The following DNAH11 variants were observed in gnomAD, a reference collection of about 807,000 sequenced individuals.
DNAH11 encodes the protein axonemal beta dynein heavy chain 11.
DNAH11 carries 442 observed loss-of-function variants against 526.0 expected under a neutral mutation model. The ratio of observed to expected loss-of-function variants is 0.84; its 90% CI spans 0.78 to 0.91. The LOEUF is 0.91. Among genes scored for constraint, DNAH11 ranks in the 40% least tolerant of loss-of-function variants. DNAH11 has a pLI of 0.00. For missense variants in DNAH11, 6,989 were observed against 5,448.7 expected (o/e 1.28, Z -8.90); for synonymous variants, 2,461 against 1,935.9 (o/e 1.27, Z -7.12).
intron 72 of DNAH11, among the ~76,000 whole-genome samples, chr7:21,868,544 G>T (rs1783374986): frequency 6.6e-6 from 1 of 152,188 alleles, no homozygotes; most frequent in African/African-American, 2.4e-5. Flanking sequence ...TCCTTTTTAT[G>T]AGAGAAATGC....
At chr7:21,568,654 C>G (rs145976540) in intron 6 of DNAH11, among the ~76,000 whole-genome samples, 1 of 152,152 alleles carries the variant, frequency 6.6e-6, no homozygotes, top group African/African-American at 2.4e-5. Context: ...ATTGTCTCAT[C>G]TATGCGAGGG....
intron 62 of DNAH11, among the ~76,000 whole-genome samples, chr7:21,804,059 A>C (rs1200705864): frequency 6.6e-6 from 1 of 151,488 alleles, no homozygotes; most frequent in Non-Finnish European, 1.5e-5. Context: ...GCTAGGTGAT[A>C]GCCTCATTTC....
Position 21,765,619 on chromosome 7 carries a change from C to G in DNAH11, c.9102+30C>G, listed in dbSNP as rs767628743. On this transcript the variant is annotated intron_variant, in intron 55 of 81. Transcript: ENST00000409508. Reference sequence around the variant, plus strand: ...GCCGTGTCAGCCTGCGTCACACACACACACACACACACACACACACACACA... The same window carrying G: ...GCCGTGTCAGCCTGCGTCACACACAGACACACACACACACACACACACACA... 1.9e-4 allele frequency: 128 copies of G among 679,990 alleles called. 2 individuals are homozygous for G. The African/African-American group carries it at 7.1e-3, about 38-fold the overall frequency. 42.1% of individuals were successfully genotyped at this position (679,990 alleles called of 1,614,324 possible). A position where few individuals can be genotyped will look rare whatever the true frequency, so the allele number is the denominator to read the frequency against.
intron 66 of DNAH11, among the ~76,000 whole-genome samples, chr7:21,844,999 A>G (rs1158658752): frequency 6.6e-6 from 1 of 152,186 alleles, no homozygotes. Context: ...CTTGTGCACT[A>G]ATTGCCAAGC....
At position 21,738,885 on chromosome 7, in the gene DNAH11, T is replaced by C. The variant is rs1785741965; in HGVS notation, c.7811+19T>C. ...GACATTGGTAAGCAAGTCTCTGTAGTTTACTCTCTCCCAAAATCTAATAAT... is the reference window on the plus strand; with the variant it reads ...GACATTGGTAAGCAAGTCTCTGTAGCTTACTCTCTCCCAAAATCTAATAAT... On this transcript the variant is annotated intron_variant, in intron 47 of 81. Coordinates refer to ENST00000409508, the MANE Select transcript of DNAH11 (RefSeq NM_001277115.2). 2 of 1,546,504 alleles carry C rather than the reference T, an allele frequency of 1.3e-6. No homozygotes were observed. The highest frequency in any genetic ancestry group is 4.6e-5 in the East Asian group (2 of 43,548).
Position 21,895,000 on chromosome 7 carries a change from G to A in DNAH11, c.13049+1G>A, listed in dbSNP as rs780860467. 6.2e-7 allele frequency: 1 copy of A among 1,613,410 alleles called. No individual in the cohort carries two copies. The highest frequency in any genetic ancestry group is 8.5e-7 in the Non-Finnish European group (1 of 1,179,514). ...CTTCTACTTATGGCCTAGCCCAGTG[G>A]TAAGCTACCCCATCCTCACTGCCAC... On this transcript the variant is annotated splice_donor_variant, in intron 79 of 81. Transcript: ENST00000409508. LOFTEE classifies it high-confidence loss of function.
rs545944911 is a variant in DNAH11 at position 21,861,999 on chromosome 7, C to T, written c.11349C>T (p.Thr3783=). The T allele has an allele frequency of 1.2e-6, 2 of 1,612,858 alleles. No homozygotes were observed. The highest frequency in any genetic ancestry group is 1.7e-6 in the Non-Finnish European group (2 of 1,179,482). Residue 3783 remains threonine, a synonymous_variant, in exon 69 of 82, where the codon ACC becomes ACT. Coordinates refer to ENST00000409508, the MANE Select transcript of DNAH11 (RefSeq NM_001277115.2). Reference sequence around the variant, plus strand: ...CGCTGTTTGAGAAGGACAAGCTCACCTTCCTGTCCCAGATGGCTTTTCAGG... The same window carrying T: ...CGCTGTTTGAGAAGGACAAGCTCACTTTCCTGTCCCAGATGGCTTTTCAGG... The part of the protein sequence containing the change: ...SQALFEKDKL[T]FLSQMAFQIL...
intron 45 of DNAH11, among the ~76,000 whole-genome samples, chr7:21,732,734 C>T (rs1359396304): frequency 6.6e-6 from 1 of 152,236 alleles, no homozygotes; most frequent in Non-Finnish European, 1.5e-5. Context: ...TCCCATCTTT[C>T]TATACTGCTC....
At chr7:21,548,884 C>CT (rs201226653) in intron 2 of DNAH11, among the ~76,000 whole-genome samples, 13,235 of 145,502 alleles carry the variant, frequency 0.091, 642 homozygotes, top group Non-Finnish European at 0.12. Flanking sequence ...CAATGACAGA[C>CT]TTTTTTTTTT....
intron 43 of DNAH11, among the ~76,000 whole-genome samples, chr7:21,718,969 A>G (rs1163344295): frequency 6.6e-6 from 1 of 152,244 alleles, no homozygotes; most frequent in Non-Finnish European, 1.5e-5. Flanking sequence ...TGAATTAATT[A>G]TGTAGTTAGC....
chr7:21,629,800 CTG>C (rs1786518218), intron 25 of DNAH11, among the ~76,000 whole-genome samples: 2 of 152,132 alleles, frequency 1.3e-5, no homozygotes, highest in South Asian at 4.1e-4. Context: ...CACTTTCAGT[CTG>C]TGTGTGTCTT....
intron 3 of DNAH11, among the ~76,000 whole-genome samples, chr7:21,559,338 AG>A (rs1680399873): frequency 2.0e-5 from 3 of 152,376 alleles, no homozygotes; most frequent in African/African-American, 7.2e-5. Context: ...AGCAAACTGT[AG>A]TAATTGCCAT....
chr7:21,875,862 C>G (rs1273546281), intron 74 of DNAH11, among the ~76,000 whole-genome samples: 1 of 139,904 alleles, frequency 7.1e-6, no homozygotes, highest in Non-Finnish European at 1.5e-5. Context: ...TTAGGAACTT[C>G]AAGGAAGAAT....
chr7:21,843,641 C>T (rs931629904), intron 66 of DNAH11, among the ~76,000 whole-genome samples: 14 of 152,004 alleles, frequency 9.2e-5, no homozygotes, highest in African/African-American at 3.4e-4. Flanking sequence ...CCACCACGCC[C>T]AGCTAATTTT....
chr7:21,544,602 C>G (rs1782737446), intron 1 of DNAH11, among the ~76,000 whole-genome samples: 1 of 152,088 alleles, frequency 6.6e-6, no homozygotes, highest in African/African-American at 2.4e-5. Context: ...ACAAATTAAC[C>G]TCTTGGGCTT....
In DNAH11 at chr7:21,818,325, A is replaced by C. The variant is rs1789900821; in HGVS notation, c.10677A>C (p.Thr3559=). ...TGGATCCACTACTTGGCAGGAACAC[A>C]ATTAAAAAAGGAAAGTAAGTATTCT... ...PVLDPLLGRN[T]IKKGKYIRIG... The change falls in exon 65 of 82, where the codon ACA becomes ACC. Residue 3559 remains threonine, a synonymous_variant. Transcript: ENST00000409508. The C allele has an allele frequency of 1.2e-6, 2 of 1,605,262 alleles. No individual in the cohort carries two copies. Among genetic ancestry groups the C allele is most frequent in the East Asian group, 2.2e-5 (1 of 44,706 alleles).
intron 14 of DNAH11, among the ~76,000 whole-genome samples, chr7:21,592,359 GAGA>G (rs1418671013): frequency 1.3e-5 from 2 of 152,172 alleles, no homozygotes; most frequent in African/African-American, 4.8e-5. Context: ...TGGATATCAG[GAGA>G]AGAACATTCT....
intron 28 of DNAH11, among the ~76,000 whole-genome samples, chr7:21,653,563 C>T (rs1781879360): frequency 1.3e-5 from 2 of 152,198 alleles, no homozygotes; most frequent in South Asian, 2.1e-4. Context: ...TTATCTAGGC[C>T]CATTACACAG....
chr7:21,796,875 C>T (rs985596251), intron 61 of DNAH11, among the ~76,000 whole-genome samples: 5 of 152,152 alleles, frequency 3.3e-5, no homozygotes, highest in African/African-American at 9.7e-5. Context: ...GCTAGAGGAT[C>T]AATAACTGTT....
Sources: allele counts gnomAD v4.1 joint callset (sites outside exome capture counted in the v4.1 genomes callset), GRCh38; gene constraint gnomAD v4.1.1; transcripts MANE v1.5; gene names NCBI Gene and HGNC (gene_info 2026-07-23, HGNC 2026-07-21).